Variants in LRRC7 observed in about 807,000 individuals in gnomAD.
The protein encoded by LRRC7 is leucine rich repeat containing 7.
Under a neutral mutation model 175.7 loss-of-function variants are expected in LRRC7, and 23 were observed. The ratio of observed to expected loss-of-function variants is 0.13; its 90% CI spans 0.09 to 0.19. The LOEUF is 0.19. Among genes scored for constraint, LRRC7 ranks in the 10% least tolerant of loss-of-function variants. LRRC7 has a pLI of 1.00. For synonymous variants in LRRC7, 685 were observed against 680.9 expected (o/e 1.01, Z -0.09); for missense variants, 1,354 against 1,904.7 (o/e 0.71, Z 5.38).
chr1:69,718,260 A>G (rs2100769617), intron 2 of LRRC7, among the ~76,000 whole-genome samples: 1 of 151,934 alleles, frequency 6.6e-6, no homozygotes, highest in African/African-American at 2.4e-5. Context: ...AAACAGGGAA[A>G]TCAATGGCTT....
chr1:70,055,663 G>A (rs79931113), intron 23 of LRRC7, among the ~76,000 whole-genome samples: 4 of 152,228 alleles, frequency 2.6e-5, no homozygotes, highest in South Asian at 2.1e-4. Flanking sequence ...ATGTCTTCAC[G>A]TGATGGTAGG....
intron 7 of LRRC7, among the ~76,000 whole-genome samples, chr1:69,922,473 C>T (rs1191654763): frequency 6.6e-6 from 1 of 152,182 alleles, no homozygotes; most frequent in Non-Finnish European, 1.5e-5. Context: ...AGAAATTGTT[C>T]ATTCCACTTG....
intron 3 of LRRC7, among the ~76,000 whole-genome samples, chr1:69,778,464 T>C (rs1402519713): frequency 2.6e-5 from 4 of 152,188 alleles, no homozygotes; most frequent in Admixed American, 1.3e-4. Context: ...TATAATTTTG[T>C]AACAGTGGGT....
chr1:69,924,527 T>C (rs1225006497), intron 7 of LRRC7, among the ~76,000 whole-genome samples: 2 of 152,198 alleles, frequency 1.3e-5, no homozygotes, highest in Non-Finnish European at 1.5e-5. Flanking sequence ...CCCTTGTAAG[T>C]TGGATTCCTA....
chr1:70,001,278 G>C (rs1655496229), intron 11 of LRRC7, among the ~76,000 whole-genome samples: 1 of 152,066 alleles, frequency 6.6e-6, no homozygotes, highest in Admixed American at 6.6e-5. Flanking sequence ...TTTGTAATGA[G>C]TATGGCTTCA....
chr1:70,013,251 C>G (rs1389906880), intron 13 of LRRC7, among the ~76,000 whole-genome samples, 162 bp downstream of exon 13: 2 of 151,664 alleles, frequency 1.3e-5, no homozygotes, highest in Non-Finnish European at 3.0e-5. Context: ...ATTTTTTAAA[C>G]CAAGTATTTC....
chr1:69,818,246 T>C (rs999122217), intron 4 of LRRC7, among the ~76,000 whole-genome samples: 1 of 152,112 alleles, frequency 6.6e-6, no homozygotes, highest in African/African-American at 2.4e-5. Context: ...TTGGCTGTAG[T>C]GTTGTCATAT....
At chr1:70,039,861 G>GC (rs1231335409) in intron 21 of LRRC7, 68 bp downstream of exon 21, 81 of 1,506,486 alleles carry the variant, frequency 5.4e-5, no homozygotes, top group Non-Finnish European at 7.0e-5. Flanking sequence ...GCATTTCTAA[G>GC]CACATGTAGT....
intron 1 of LRRC7, among the ~76,000 whole-genome samples, chr1:69,611,714 G>A (rs918786101): frequency 2.0e-5 from 3 of 151,956 alleles, no homozygotes; most frequent in African/African-American, 7.3e-5. Context: ...AGCAACACTA[G>A]ACAGTACTTC....
chr1:69,892,565 G>A (rs779904171), intron 7 of LRRC7, among the ~76,000 whole-genome samples: 6 of 152,152 alleles, frequency 3.9e-5, no homozygotes, highest in African/African-American at 4.8e-5. Context: ...GACTCAAACT[G>A]TCATCCCTCT....
Position 69,987,141 on chromosome 1 carries a change from A to T in LRRC7, c.931+755A>T, listed in dbSNP as rs529416300. ...CTGTAGTCCCAGCTACTCGGGAGGG[A>T]GGCTGAGGCAGGAGAATCGCTTGAA... On this transcript the variant is annotated intron_variant, in intron 10 of 26. Transcript: ENST00000651989. Among the ~76,000 whole-genome samples, 6 of 152,224 alleles carry T rather than the reference A, an allele frequency of 3.9e-5. No homozygotes were observed. The South Asian group carries it at 1.2e-3, about 32-fold the overall frequency.
chr1:69,935,658 T>G (rs562927776), intron 8 of LRRC7, among the ~76,000 whole-genome samples: 2 of 152,290 alleles, frequency 1.3e-5, no homozygotes, highest in Admixed American at 6.5e-5. Context: ...TTTGCTCATT[T>G]TTCTATTGGT....
intron 23 of LRRC7, among the ~76,000 whole-genome samples, chr1:70,055,596 T>C (rs1661086045): frequency 6.6e-6 from 1 of 152,094 alleles, no homozygotes; most frequent in Non-Finnish European, 1.5e-5. Flanking sequence ...ATAGGAGGTA[T>C]AGCTAGGAAG....
chr1:69,724,531 A>AT (rs1442860732), intron 2 of LRRC7, among the ~76,000 whole-genome samples: 5 of 152,240 alleles, frequency 3.3e-5, no homozygotes, highest in African/African-American at 1.2e-4. Context: ...AATTGGACAA[A>AT]TTTATTTTTG....
In LRRC7 at chr1:70,127,777, T is replaced by A. The variant is rs1571393839; in HGVS notation, c.*5890T>A. On this transcript the variant is annotated 3_prime_UTR_variant, in exon 27 of 27. Transcript: ENST00000651989. Reference sequence around the variant, plus strand: ...TGGCAGCACCTCAAAAGGTGGAAGGTTGTGAAATTCACGCAGCATTTATGT... The same window carrying A: ...TGGCAGCACCTCAAAAGGTGGAAGGATGTGAAATTCACGCAGCATTTATGT... Among the ~76,000 whole-genome samples, 2 of 152,240 alleles carry A rather than the reference T, an allele frequency of 1.3e-5. No homozygotes were observed. Among genetic ancestry groups the A allele is most frequent in the African/African-American group, 4.8e-5 (2 of 41,458 alleles).
At chr1:69,636,206 A>G (rs1185639444) in intron 1 of LRRC7, among the ~76,000 whole-genome samples, 1 of 152,040 alleles carries the variant, frequency 6.6e-6, no homozygotes, top group East Asian at 1.9e-4. Context: ...AGGTCATGCA[A>G]CCACATATGT....
intron 4 of LRRC7, among the ~76,000 whole-genome samples, chr1:69,814,409 A>G (rs937234506): frequency 6.6e-6 from 1 of 152,122 alleles, no homozygotes; most frequent in African/African-American, 2.4e-5. Context: ...TTATTAATTA[A>G]AATTCTTATT....
At chr1:69,995,058 A>G (rs1654802744) in intron 11 of LRRC7, among the ~76,000 whole-genome samples, 1 of 152,166 alleles carries the variant, frequency 6.6e-6, no homozygotes, top group East Asian at 1.9e-4. Context: ...GTAACATTTA[A>G]TATTTATAGA....
intron 8 of LRRC7, among the ~76,000 whole-genome samples, chr1:69,935,584 T>A (rs995526354): frequency 1.3e-5 from 2 of 152,196 alleles, no homozygotes; most frequent in African/African-American, 4.8e-5. Flanking sequence ...ATGAGATTGA[T>A]GATTTTTTCA....
Sources: allele counts gnomAD v4.1 joint callset (sites outside exome capture counted in the v4.1 genomes callset), GRCh38; gene constraint gnomAD v4.1.1; transcripts MANE v1.5; gene names NCBI Gene and HGNC (gene_info 2026-07-23, HGNC 2026-07-21).